The following PCDHGA2 variants were observed in gnomAD, a reference collection of about 807,000 sequenced individuals.
The protein encoded by PCDHGA2 is protocadherin gamma-A2.
PCDHGA2 carries 40 observed loss-of-function variants against 59.2 expected under a neutral mutation model. The ratio of observed to expected loss-of-function variants is 0.68; its 90% confidence interval spans 0.52 to 0.88. The LOEUF (loss-of-function observed/expected upper bound fraction) is 0.88, where lower values mean the gene tolerates loss of function less well. PCDHGA2 is among the 40% of genes least tolerant of loss of function. The pLI is 0.00. For missense variants in PCDHGA2, 1,226 were observed against 1,204.0 expected (o/e 1.02, Z -0.27); for synonymous variants, 560 against 526.0 (o/e 1.06, Z -0.89).
chr5:141,377,336 T>A (rs1773892905), intron 1 of PCDHGA2: 1 of 152,194 alleles, frequency 6.6e-6, no homozygotes, highest in South Asian at 2.1e-4. Context: ...GCTAGCATGG[T>A]GGTTCACGCC....
intron 1 of PCDHGA2, among the ~76,000 whole-genome samples, chr5:141,368,835 T>C (rs1765886415): frequency 6.6e-6 from 1 of 152,190 alleles, no homozygotes; most frequent in African/African-American, 2.4e-5. Flanking sequence ...CTTGGCATTG[T>C]GTTGGAAGGC....
chr5:141,442,006 G>A (rs540427406), intron 1 of PCDHGA2: 77 of 229,074 alleles, frequency 3.4e-4, no homozygotes, highest in African/African-American at 1.6e-3. Context: ...CTGACAGCTC[G>A]CACGATGGGC....
intron 1 of PCDHGA2, chr5:141,424,789 A>T (rs538504226): frequency 2.0e-5 from 3 of 152,238 alleles, no homozygotes; most frequent in African/African-American, 7.2e-5. Flanking sequence ...CAGTTCTTTT[A>T]TTCAGACCAA....
chr5:141,456,973 A>G (rs1276476368), intron 1 of PCDHGA2, among the ~76,000 whole-genome samples: 2 of 147,412 alleles, frequency 1.4e-5, no homozygotes, highest in Admixed American at 6.7e-5. Flanking sequence ...AAAACAAAAC[A>G]AACAAACAAA....
chr5:141,361,168 C>T, intron 1 of PCDHGA2: 2 of 1,613,906 alleles, frequency 1.2e-6, no homozygotes, highest in Non-Finnish European at 1.7e-6. Context: ...CGATTGTGCA[C>T]CTGAAGTTAT....
intron 1 of PCDHGA2, among the ~76,000 whole-genome samples, chr5:141,443,210 G>A (rs142248407): frequency 3.2e-4 from 49 of 151,888 alleles, no homozygotes; most frequent in African/African-American, 9.4e-4. Context: ...AGCTTGTCTC[G>A]CCAGGCGCAT....
chr5:141,370,950 C>G (rs78666647), intron 1 of PCDHGA2: 1 of 1,614,002 alleles, frequency 6.2e-7, no homozygotes, highest in South Asian at 1.1e-5. Flanking sequence ...GAAGGAGAAC[C>G]TGGATGGCAG....
chr5:141,384,941 C>A lies in PCDHGA2; in HGVS notation c.2424+43546C>A, dbSNP rs748067928. Reference sequence around the variant, plus strand: ...GCCGACCTGGGCAGCCTTGAGCCCTCCGACGGTCCTTACAACTATGACCTC... The same window carrying A: ...GCCGACCTGGGCAGCCTTGAGCCCTACGACGGTCCTTACAACTATGACCTC... On this transcript the variant is annotated intron_variant, in intron 1 of 3. Transcript: ENST00000394576. 2.5e-6 allele frequency: 4 copies of A among 1,614,104 alleles called. No homozygotes were observed. The highest frequency in any genetic ancestry group is 3.4e-6 in the Non-Finnish European group (4 of 1,180,022).
At chr5:141,371,214 A>G in intron 1 of PCDHGA2, 1 of 1,614,052 alleles carries the variant, frequency 6.2e-7, no homozygotes, top group Non-Finnish European at 8.5e-7. Context: ...TGAGGGCATC[A>G]ATGCCGAAAT....
intron 1 of PCDHGA2, chr5:141,398,027 T>G: frequency 6.9e-7 from 1 of 1,449,556 alleles, no homozygotes; most frequent in Non-Finnish European, 9.2e-7. Context: ...AAACTGGAAC[T>G]GGAACTAAAG....
At chr5:141,349,693 T>C (rs1405570694) in intron 1 of PCDHGA2, among the ~76,000 whole-genome samples, 3 of 152,108 alleles carry the variant, frequency 2.0e-5, no homozygotes, top group African/African-American at 7.2e-5. Flanking sequence ...GAAAGGTAGG[T>C]ATTTTAGTCA....
chr5:141,487,675 A>G lies in PCDHGA2; in HGVS notation c.2425-7132A>G, dbSNP rs752606441. ...GTTATTCTGATCCAGGCATATGGCT[A>G]GGCCATGTCCTAGAGAGTACTGGCC... On this transcript the variant is annotated intron_variant, in intron 1 of 3. Transcript: ENST00000394576. This position sits in a 1 kb window ranked among gnomAD's most constrained non-coding sequence, Gnocchi z 5.0. 22 of 1,611,038 alleles carry G rather than the reference A, an allele frequency of 1.4e-5. No individual in the cohort carries two copies. Among genetic ancestry groups the G allele is most frequent in the Non-Finnish European group, 1.7e-5 (20 of 1,178,458 alleles).
intron 1 of PCDHGA2, chr5:141,414,885 C>T: frequency 6.2e-7 from 1 of 1,614,224 alleles, no homozygotes; most frequent in South Asian, 1.1e-5. Context: ...TGTACCCCGC[C>T]CTCCCCACAG....
chr5:141,397,438 G>A (rs1330293325), intron 1 of PCDHGA2, among the ~76,000 whole-genome samples: 5 of 152,140 alleles, frequency 3.3e-5, no homozygotes, highest in Admixed American at 2.6e-4. Context: ...CCTAATATGT[G>A]TAATATAAAA....
At chr5:141,461,501 T>G (rs113852528) in intron 1 of PCDHGA2, among the ~76,000 whole-genome samples, 1 of 152,310 alleles carries the variant, frequency 6.6e-6, no homozygotes, top group South Asian at 2.1e-4. Flanking sequence ...TTATTTTTCT[T>G]GGTGATTTGT....
chr5:141,445,388 A>G (rs2098465525), intron 1 of PCDHGA2, among the ~76,000 whole-genome samples: 2 of 152,212 alleles, frequency 1.3e-5, no homozygotes, highest in African/African-American at 4.8e-5. Flanking sequence ...TCATTCATTT[A>G]CATAACAAAT....
chr5:141,451,606 G>A (rs2098720118), intron 1 of PCDHGA2, among the ~76,000 whole-genome samples: 1 of 152,152 alleles, frequency 6.6e-6, no homozygotes, highest in Admixed American at 6.5e-5. Flanking sequence ...ACAAGGCTAG[G>A]CATGGTGGCT....
In PCDHGA2 at chr5:141,381,826, C is replaced by CTTCTTTTT. The variant is rs1777532522; in HGVS notation, c.2424+40433_2424+40434insCTTTTTTT. 1.5e-3 allele frequency among the ~76,000 whole-genome samples: 109 copies of CTTCTTTTT among 74,300 alleles called. 1 individual carries two copies. Among genetic ancestry groups the CTTCTTTTT allele is most frequent in the African/African-American group, 6.4e-3 (104 of 16,204 alleles). 48.7% of individuals were successfully genotyped at this position (74,300 alleles called of 152,430 possible). On this transcript the variant is annotated intron_variant, in intron 1 of 3. Transcript: ENST00000394576. ...TTTCTTTCTTTCTTTCTTTCTTCTT[C>CTTCTTTTT]TTTTTTTTTTTTTTTTTTTTTTGGC...
At chr5:141,380,329 C>G (rs2150159068) in intron 1 of PCDHGA2, among the ~76,000 whole-genome samples, 1 of 152,142 alleles carries the variant, frequency 6.6e-6, no homozygotes, top group Non-Finnish European at 1.5e-5. Flanking sequence ...CTAAATGGAA[C>G]TTCAAAGAAC....
Sources: allele counts gnomAD v4.1 joint callset (sites outside exome capture counted in the v4.1 genomes callset), GRCh38; gene constraint gnomAD v4.1.1; non-coding constraint Gnocchi (gnomAD v3.1); transcripts MANE v1.5; gene names NCBI Gene and HGNC (gene_info 2026-07-23, HGNC 2026-07-21).